The following METTL21A variants were observed in gnomAD, a reference collection of about 807,000 sequenced individuals.
METTL21A encodes methyltransferase 21A, HSPA lysine, also known as protein N-lysine methyltransferase METTL21A.
Under a neutral mutation model 20.9 loss-of-function variants are expected in METTL21A, and 22 were observed. That is an observed-to-expected ratio of 1.05 (90% CI 0.75 to 1.50). METTL21A has a LOEUF of 1.50. Among genes scored for constraint, METTL21A ranks in the 40% most tolerant of loss-of-function variants. The probability of loss-of-function intolerance (pLI) is 0.00; values close to 1 mark genes in which losing one functional copy is unlikely to be tolerated. For synonymous variants in METTL21A, 93 were observed against 102.0 expected, an observed-to-expected ratio of 0.91 and a Z score of 0.53; for missense variants, 271 against 266.8, an observed-to-expected ratio of 1.02 and a Z score of -0.11.
chr2:207,597,776 A>G (rs2086407659), intron 3 of METTL21A: 1 of 200,926 alleles, frequency 5.0e-6, no homozygotes, highest in African/African-American at 2.3e-5. Context: ...ATACATTAAA[A>G]GAAGTAACCA....
intron 3 of METTL21A, among the ~76,000 whole-genome samples, chr2:207,621,221 C>T (rs2090440184): frequency 6.6e-6 from 1 of 152,132 alleles, no homozygotes; most frequent in Non-Finnish European, 1.5e-5. Flanking sequence ...AGCTCCAAGC[C>T]TCAATTAATG....
intron 3 of METTL21A, chr2:207,600,046 A>G: frequency 5.3e-6 from 1 of 188,146 alleles, no homozygotes; most frequent in Non-Finnish European, 1.1e-5. Context: ...AGCTTTGATA[A>G]TGTTTAACTG....
chr2:207,613,366 G>C, exon 4 of METTL21A: 1 of 1,612,962 alleles, frequency 6.2e-7, no homozygotes, highest in Non-Finnish European at 8.5e-7. Flanking sequence ...GTTTGGATAT[G>C]AGGAGGTAAG....
intron 1 of METTL21A, 80 bp from the exon 2 acceptor site, chr2:207,624,484 A>C (rs1406137642): frequency 7.9e-7 from 1 of 1,270,666 alleles, no homozygotes; most frequent in African/African-American, 1.5e-5. Context: ...AATGCTTTTA[A>C]GGTCGTTTAC....
At chr2:207,604,274 G>A (rs1575082086), downstream of METTL21A, among the ~76,000 whole-genome samples, 1 of 152,130 alleles carries the variant, frequency 6.6e-6, no homozygotes, top group African/African-American at 2.4e-5. Context: ...TTAGTGTTTC[G>A]CCACTGAAGA....
chr2:207,620,792 T>A (rs775712170), intron 3 of METTL21A: 1 of 1,140,288 alleles, frequency 8.8e-7, no homozygotes, highest in Non-Finnish European at 1.2e-6. Context: ...AAGCAGCAGC[T>A]AAGCAGAAAA....
At chr2:207,589,770 A>G (rs992752500) in intron 3 of METTL21A, among the ~76,000 whole-genome samples, 2 of 152,158 alleles carry the variant, frequency 1.3e-5, no homozygotes, top group Admixed American at 1.3e-4. Flanking sequence ...TCATACTCCA[A>G]TTTTGAGATA....
chr2:207,624,153 G>C (rs954119073), intron 2 of METTL21A, 76 bp downstream of exon 2: 2 of 1,475,826 alleles, frequency 1.4e-6, no homozygotes, highest in Non-Finnish European at 1.8e-6. Context: ...CAATAAAGCT[G>C]TTCTAAAAAA....
At chr2:207,603,323 T>C (rs1015038829) in intron 3 of METTL21A, 28 of 223,828 alleles carry the variant, frequency 1.3e-4, no homozygotes, top group African/African-American at 5.8e-4. Context: ...TTGTGAAATA[T>C]TGTCATAAAG....
chr2:207,603,794 A>G (rs1247302899), intron 3 of METTL21A, among the ~76,000 whole-genome samples: 1 of 152,200 alleles, frequency 6.6e-6, no homozygotes, highest in Non-Finnish European at 1.5e-5. Context: ...CTCTGTGATC[A>G]TATAAATTGG....
exon 2 of METTL21A, chr2:207,624,366 CGAG>C: frequency 6.2e-7 from 1 of 1,612,960 alleles, no homozygotes; most frequent in Non-Finnish European, 8.5e-7. Context: ...TCATAGGGCA[CGAG>C]GGCCATTCCG....
intron 3 of METTL21A, among the ~76,000 whole-genome samples, chr2:207,590,966 CTTCT>C (rs1315146754): frequency 6.6e-6 from 1 of 151,952 alleles, no homozygotes; most frequent in Non-Finnish European, 1.5e-5. Flanking sequence ...TCCTTTGAGA[CTTCT>C]TTTTTGACCT....
At chr2:207,605,948 T>A (rs1035007076), downstream of METTL21A, among the ~76,000 whole-genome samples, 2 of 152,260 alleles carry the variant, frequency 1.3e-5, no homozygotes, top group African/African-American at 4.8e-5. Flanking sequence ...CTTTACAGTC[T>A]AGGCATTTTT....
downstream of METTL21A, chr2:207,580,702 A>T (rs2082859146): frequency 9.0e-6 from 2 of 222,466 alleles, no homozygotes; most frequent in Non-Finnish European, 1.8e-5. Flanking sequence ...GAAAGTGTAG[A>T]CAGCTCTTCT....
chr2:207,597,927 A>G (rs908558431), intron 3 of METTL21A: 6 of 185,772 alleles, frequency 3.2e-5, no homozygotes, highest in Admixed American at 6.2e-5. Context: ...CAAGATTTTT[A>G]AATAAATGTT....
chr2:207,601,919 G>C (rs1318387710), intron 3 of METTL21A: 1 of 212,102 alleles, frequency 4.7e-6, no homozygotes, highest in Non-Finnish European at 9.5e-6. Context: ...TATTAAGTTG[G>C]CTACACAGTC....
intron 1 of METTL21A, chr2:207,624,607 T>C (rs2090901672): frequency 2.3e-6 from 1 of 440,330 alleles, no homozygotes; most frequent in East Asian, 4.4e-5. Context: ...ACGGATGTGT[T>C]TGGGGAAGAA....
At chr2:207,586,429 T>C (rs1237599349) in intron 3 of METTL21A, among the ~76,000 whole-genome samples, 2 of 152,162 alleles carry the variant, frequency 1.3e-5, no homozygotes, top group Non-Finnish European at 2.9e-5. Context: ...GTGGATTAAA[T>C]ACTTAAACAT....
At chr2:207,593,677 AT>A (rs1267423898) in intron 3 of METTL21A, among the ~76,000 whole-genome samples, 2 of 150,134 alleles carry the variant, frequency 1.3e-5, no homozygotes, top group Non-Finnish European at 3.0e-5. Context: ...TAGGCACTAT[AT>A]TGTGTGCTTT....
Sources: allele counts gnomAD v4.1 joint callset (sites outside exome capture counted in the v4.1 genomes callset), GRCh38; gene constraint gnomAD v4.1.1; transcripts MANE v1.5; gene names NCBI Gene and HGNC (gene_info 2026-07-23, HGNC 2026-07-21).